Variants in NELL2 observed in about 807,000 individuals in gnomAD.
NELL2 encodes neural EGFL like 2.
In NELL2, 41 loss-of-function variants were observed where a neutral mutation model predicts 109.6. The observed-to-expected ratio is 0.37, with a 90% CI of 0.29 to 0.49. NELL2 has a LOEUF of 0.49. Among genes scored for constraint, NELL2 ranks in the 20% least tolerant of loss-of-function variants. The pLI, the probability that NELL2 is intolerant of heterozygous loss-of-function variation, is 0.98. For missense variants in NELL2, 900 were observed against 1,008.3 expected, an observed-to-expected ratio of 0.89 and a Z score of 1.45; for synonymous variants, 355 against 344.7, an observed-to-expected ratio of 1.03 and a Z score of -0.33.
chr12:44,521,923 G>C, intron 18 of NELL2, 77 bp downstream of exon 18: 1 of 1,457,856 alleles, frequency 6.9e-7, no homozygotes, highest in South Asian at 1.3e-5. Flanking sequence ...GGTATTGGCA[G>C]ATGGGGAGGA....
At chr12:44,555,154 G>A (rs1943199192) in intron 15 of NELL2, among the ~76,000 whole-genome samples, 1 of 152,150 alleles carries the variant, frequency 6.6e-6, no homozygotes, top group African/African-American at 2.4e-5. Flanking sequence ...TCAGGTGGAG[G>A]GGTCTGTGAG....
At chr12:44,719,865 T>C (rs980119192) in intron 9 of NELL2, among the ~76,000 whole-genome samples, 3 of 152,188 alleles carry the variant, frequency 2.0e-5, no homozygotes, top group African/African-American at 7.2e-5. Context: ...TCATTAACTA[T>C]AATTATGTAT....
intron 13 of NELL2, among the ~76,000 whole-genome samples, chr12:44,664,511 A>G (rs895505332): frequency 6.6e-6 from 1 of 152,128 alleles, no homozygotes; most frequent in African/African-American, 2.4e-5. Flanking sequence ...TTAGAAGCAG[A>G]CAACTAAAAC....
At position 44,537,015 on chromosome 12, in the gene NELL2, C is replaced by A. The variant is rs868273637; in HGVS notation, c.1664-4294G>T. On this transcript the variant is annotated intron_variant, in intron 15 of 19. Transcript: ENST00000429094. ...CAAACAAAACAAAACAAAACAAAAA[C>A]CAAAAAAAAAAAAAAAGGAAAATGT... Among the ~76,000 whole-genome samples the A allele has an allele frequency of 3.8e-3, 332 of 87,042 alleles. 1 individual carries two copies. Among genetic ancestry groups the A allele is most frequent in the Admixed American group, 6.1e-3 (52 of 8,490 alleles). 57.1% of individuals were successfully genotyped at this position (87,042 alleles called of 152,430 possible).
chr12:44,733,709 T>G (rs1381798101), intron 9 of NELL2, among the ~76,000 whole-genome samples: 2 of 151,760 alleles, frequency 1.3e-5, no homozygotes, highest in Non-Finnish European at 2.9e-5. Flanking sequence ...ATATTATGTG[T>G]TTTTTATCCA....
intron 12 of NELL2, 126 bp downstream of exon 12, chr12:44,703,600 G>C: frequency 1.0e-6 from 1 of 965,660 alleles, no homozygotes; most frequent in Non-Finnish European, 1.6e-6. Context: ...TGATTAATAT[G>C]CTTCAAATTA....
intron 15 of NELL2, among the ~76,000 whole-genome samples, chr12:44,543,478 T>A (rs942930757): frequency 9.9e-5 from 15 of 152,182 alleles, no homozygotes; most frequent in African/African-American, 3.4e-4. Context: ...TCAGATTGTG[T>A]CATACTTATG....
At chr12:44,900,144 C>T (rs1945643711) in intron 1 of NELL2, among the ~76,000 whole-genome samples, 1 of 152,170 alleles carries the variant, frequency 6.6e-6, no homozygotes, top group South Asian at 2.1e-4. Flanking sequence ...GAGACTTAGA[C>T]TCCCACACAA....
In NELL2 at chr12:44,587,445, A is replaced by G. The variant is rs539817270; in HGVS notation, c.1663+19724T>C. ...TTTAGATCCATTAGAAATATATTAC[A>G]TTACGAAATTGTTAACACATATTAT... is the stretch of plus-strand genomic sequence containing the variant. On this transcript the variant is annotated intron_variant, in intron 15 of 19. Coordinates refer to ENST00000429094, the MANE Select transcript of NELL2 (RefSeq NM_001145108.2). Among the ~76,000 whole-genome samples the G allele has an allele frequency of 1.7e-3, 260 of 151,806 alleles. 1 individual carries two copies. Among genetic ancestry groups the G allele is most frequent in the Admixed American group, 3.9e-3 (59 of 15,228 alleles).
chr12:44,740,953 A>G (rs1939923859), intron 9 of NELL2, among the ~76,000 whole-genome samples: 1 of 152,218 alleles, frequency 6.6e-6, no homozygotes. Flanking sequence ...AGCAATTATA[A>G]CAGCTAACAC....
chr12:44,771,029 T>G (rs1941526546), intron 9 of NELL2, among the ~76,000 whole-genome samples: 1 of 152,170 alleles, frequency 6.6e-6, no homozygotes, highest in South Asian at 2.1e-4. Context: ...TTTTTAAACC[T>G]GGGTTGAGAT....
intron 10 of NELL2, among the ~76,000 whole-genome samples, chr12:44,713,347 TG>T (rs1230891068): frequency 1.1e-4 from 17 of 151,884 alleles, no homozygotes; most frequent in Admixed American, 1.1e-3. Flanking sequence ...AGAAGCCAGC[TG>T]GCAGAAGTTT....
chr12:44,733,368 T>C (rs1939471493), intron 9 of NELL2, among the ~76,000 whole-genome samples: 1 of 152,006 alleles, frequency 6.6e-6, no homozygotes, highest in Non-Finnish European at 1.5e-5. Flanking sequence ...TGGAATATTA[T>C]TTAGCCTTTA....
At chr12:44,577,999 A>G (rs941502224) in intron 15 of NELL2, among the ~76,000 whole-genome samples, 2 of 152,110 alleles carry the variant, frequency 1.3e-5, no homozygotes, top group African/African-American at 4.8e-5. Flanking sequence ...AATTCCTTCT[A>G]CTGAAATTTA....
chr12:44,668,641 G>A (rs1351040177), intron 12 of NELL2, among the ~76,000 whole-genome samples: 3 of 151,832 alleles, frequency 2.0e-5, no homozygotes, highest in Non-Finnish European at 2.9e-5. Context: ...GTATAGGCCC[G>A]CCATGCCTGC....
chr12:44,670,378 A>G (rs1286226768), intron 12 of NELL2, among the ~76,000 whole-genome samples: 1 of 152,120 alleles, frequency 6.6e-6, no homozygotes, highest in Non-Finnish European at 1.5e-5. Flanking sequence ...AAAAAACCCC[A>G]TCAAATTGTA....
chr12:44,755,452 G>A (rs1031322486), intron 9 of NELL2, among the ~76,000 whole-genome samples: 2 of 151,564 alleles, frequency 1.3e-5, no homozygotes, highest in African/African-American at 4.8e-5. Flanking sequence ...CTCTCTCTCT[G>A]TCACAATGTC....
intron 9 of NELL2, among the ~76,000 whole-genome samples, chr12:44,768,580 A>T (rs1941426581): frequency 1.3e-5 from 2 of 152,148 alleles, no homozygotes; most frequent in South Asian, 4.1e-4. Context: ...TTTTAGTGAG[A>T]AAAGACCGTC....
intron 12 of NELL2, among the ~76,000 whole-genome samples, chr12:44,677,692 G>C (rs1029756008): frequency 1.3e-5 from 2 of 152,062 alleles, no homozygotes; most frequent in African/African-American, 2.4e-5. Flanking sequence ...AACATGAAAG[G>C]AGTGAGGCAG....
Sources: gnomAD v4.1 joint callset for allele counts (sites outside exome capture counted in the v4.1 genomes callset) on GRCh38, gnomAD v4.1.1 for gene constraint, MANE v1.5 for transcripts, NCBI Gene and HGNC (gene_info 2026-07-23, HGNC 2026-07-21) for gene names.